Variants in ATP6V1H observed in about 807,000 individuals in gnomAD.
ATP6V1H encodes ATPase H+ transporting V1 subunit H.
ATP6V1H carries 39 observed loss-of-function variants against 71.7 expected under a neutral mutation model. That is an observed-to-expected ratio of 0.54 (90% CI 0.42 to 0.71). The LOEUF is 0.71. Among genes scored for constraint, ATP6V1H ranks in the 30% least tolerant of loss-of-function variants. The pLI, the probability that ATP6V1H is intolerant of heterozygous loss-of-function variation, is 0.00. For synonymous variants in ATP6V1H, 192 were observed against 199.3 expected, an observed-to-expected ratio of 0.96 and a Z score of 0.31; for missense variants, 509 against 594.9, an observed-to-expected ratio of 0.86 and a Z score of 1.50.
intron 13 of ATP6V1H, among the ~76,000 whole-genome samples, chr8:53,722,190 T>A (rs1246206733): frequency 6.6e-6 from 1 of 152,248 alleles, no homozygotes; most frequent in Non-Finnish European, 1.5e-5. Flanking sequence ...CCTCTTCCCC[T>A]GCTACTACCA....
chr8:53,757,249 G>A (rs1173666958), intron 11 of ATP6V1H, among the ~76,000 whole-genome samples: 3 of 152,124 alleles, frequency 2.0e-5, no homozygotes, highest in Non-Finnish European at 1.5e-5. Flanking sequence ...GGAGCCTGAC[G>A]GGTACTTCTG....
chr8:53,783,814 A>G (rs1809260021), intron 9 of ATP6V1H, among the ~76,000 whole-genome samples: 1 of 152,220 alleles, frequency 6.6e-6, no homozygotes, highest in African/African-American at 2.4e-5. Flanking sequence ...GTAGTCATTC[A>G]GGAGCAGGTT....
At chr8:53,810,023 A>G (rs188918846) in intron 7 of ATP6V1H, among the ~76,000 whole-genome samples, 3 of 152,330 alleles carry the variant, frequency 2.0e-5, no homozygotes, top group African/African-American at 7.2e-5. Context: ...TTTTGCTGCC[A>G]TCTATGGTCT....
chr8:53,812,852 G>A (rs913283362), intron 6 of ATP6V1H, among the ~76,000 whole-genome samples: 1 of 152,048 alleles, frequency 6.6e-6, no homozygotes. Context: ...GCACCACCAC[G>A]CCCGGCTAAT....
At chr8:53,733,388 C>G (rs533813349) in intron 13 of ATP6V1H, among the ~76,000 whole-genome samples, 1 of 152,204 alleles carries the variant, frequency 6.6e-6, no homozygotes, top group Non-Finnish European at 1.5e-5. Flanking sequence ...TGGCTCAAGA[C>G]CTGCAAAAGT....
intron 10 of ATP6V1H, 103 bp downstream of exon 10, chr8:53,771,886 T>C: frequency 2.9e-6 from 3 of 1,036,988 alleles, no homozygotes; most frequent in Non-Finnish European, 2.9e-6. Context: ...TGGACTCTCT[T>C]GATTTGTATA....
In ATP6V1H at chr8:53,754,362, A is replaced by G. The variant is rs145187512; in HGVS notation, c.1277+2193T>C. On this transcript the variant is annotated intron_variant, in intron 12 of 13. Transcript: ENST00000359530. ...TGGTTCTGATGAATCTGGCTGGCAC[A>G]GGCTGGAACCAAGTCCACTTAATTA... is the stretch of plus-strand genomic sequence containing the variant. Among the ~76,000 whole-genome samples the G allele has an allele frequency of 4.5e-4, 68 of 152,336 alleles. 1 individual carries two copies. Among genetic ancestry groups the G allele is most frequent in the African/African-American group, 1.6e-3 (67 of 41,588 alleles).
chr8:53,805,085 C>T (rs1471851581), intron 7 of ATP6V1H, among the ~76,000 whole-genome samples: 1 of 152,102 alleles, frequency 6.6e-6, no homozygotes, highest in African/African-American at 2.4e-5. Context: ...ACTGTATGTA[C>T]AAAGTAAAAC....
At chr8:53,759,496 C>G (rs1336500407) in intron 11 of ATP6V1H, among the ~76,000 whole-genome samples, 2 of 152,208 alleles carry the variant, frequency 1.3e-5, no homozygotes, top group African/African-American at 4.8e-5. Context: ...ACCCATGATT[C>G]TATCAAATAG....
At chr8:53,817,364 CCTCT>C in intron 5 of ATP6V1H, 49 bp downstream of exon 5, 1 of 1,245,310 alleles carries the variant, frequency 8.0e-7, no homozygotes. Flanking sequence ...ATAGTGAGAC[CCTCT>C]CTCTTTAAAA....
intron 2 of ATP6V1H, among the ~76,000 whole-genome samples, chr8:53,838,698 A>T (rs537878217): frequency 6.6e-6 from 1 of 152,324 alleles, no homozygotes; most frequent in East Asian, 1.9e-4. Context: ...ACACAGCCAT[A>T]CCCATTCATT....
chr8:53,779,441 GAT>G (rs1022861871), intron 9 of ATP6V1H, among the ~76,000 whole-genome samples: 8 of 151,284 alleles, frequency 5.3e-5, no homozygotes, highest in African/African-American at 1.9e-4. Flanking sequence ...AAGAAATCAT[GAT>G]ATATGACACT....
chr8:53,743,613 G>A lies in ATP6V1H; in HGVS notation c.1355C>T (p.Ala452Val), dbSNP rs1388287670. Residue 452 changes from alanine to valine, a missense_variant, in exon 13 of 14, where the codon GCT becomes GTT. Transcript: ENST00000359530. Reference protein sequence around the residue: ...HHEDQQVRYNALLAVQKLMVH... With the variant: ...HHEDQQVRYNVLLAVQKLMVH... ...CATGAGCTTCTGCACGGCCAGCAGAGCATTATAGCGGACCTGCTGGTCTTC... is the reference window on the plus strand; with the variant it reads ...CATGAGCTTCTGCACGGCCAGCAGAACATTATAGCGGACCTGCTGGTCTTC... The A allele has an allele frequency of 6.2e-7, 1 of 1,614,000 alleles. No individual in the cohort carries two copies. The highest frequency in any genetic ancestry group is 1.1e-5 in the South Asian group (1 of 91,044).
At chr8:53,839,407 T>C (rs1016163405) in intron 2 of ATP6V1H, among the ~76,000 whole-genome samples, 1 of 152,094 alleles carries the variant, frequency 6.6e-6, no homozygotes, top group Non-Finnish European at 1.5e-5. Context: ...AGAGAAAACA[T>C]CAGCAAGTCT....
At chr8:53,779,431 A>AT (rs1809014872) in intron 9 of ATP6V1H, among the ~76,000 whole-genome samples, 1 of 151,642 alleles carries the variant, frequency 6.6e-6, no homozygotes, top group East Asian at 1.9e-4. Context: ...ATAGTCAAAG[A>AT]AGAAATCATG....
chr8:53,726,216 C>T (rs1806806560), intron 13 of ATP6V1H, among the ~76,000 whole-genome samples: 1 of 152,076 alleles, frequency 6.6e-6, no homozygotes, highest in African/African-American at 2.4e-5. Context: ...TAATAATCAA[C>T]CTTGATTATA....
intron 13 of ATP6V1H, among the ~76,000 whole-genome samples, chr8:53,732,359 A>C (rs1807053830): frequency 6.6e-6 from 1 of 152,214 alleles, no homozygotes; most frequent in African/African-American, 2.4e-5. Flanking sequence ...AAAACATCCA[A>C]AATTTACTCT....
At chr8:53,809,541 A>C (rs887608311) in intron 7 of ATP6V1H, among the ~76,000 whole-genome samples, 3 of 152,234 alleles carry the variant, frequency 2.0e-5, no homozygotes, top group Admixed American at 2.0e-4. Context: ...TTTGGGATGT[A>C]TATGAATCTA....
At chr8:53,784,699 T>C (rs918791799) in intron 9 of ATP6V1H, among the ~76,000 whole-genome samples, 37 of 152,228 alleles carry the variant, frequency 2.4e-4, no homozygotes, top group African/African-American at 8.7e-4. Context: ...CGATGTTTAG[T>C]GCTTCCTTCA....
Sources: gnomAD v4.1 joint callset for allele counts (sites outside exome capture counted in the v4.1 genomes callset) on GRCh38, gnomAD v4.1.1 for gene constraint, MANE v1.5 for transcripts, NCBI Gene and HGNC (gene_info 2026-07-23, HGNC 2026-07-21) for gene names.